Variants in KIF21A observed in about 807,000 individuals in gnomAD.
KIF21A encodes kinesin-like protein KIF21A.
In KIF21A, 114 loss-of-function variants were observed where a neutral mutation model predicts 202.9. The observed-to-expected ratio is 0.56, with a 90% CI of 0.48 to 0.66. The LOEUF is 0.66. KIF21A is among the 30% of genes least tolerant of loss of function. KIF21A has a pLI of 0.00. For synonymous variants in KIF21A, 667 were observed against 670.8 expected, an observed-to-expected ratio of 0.99 and a Z score of 0.09; for missense variants, 1,677 against 1,994.9, an observed-to-expected ratio of 0.84 and a Z score of 3.04.
chr12:39,363,251 A>G, intron 6 of KIF21A, 38 bp from the exon 7 acceptor site: 2 of 1,161,316 alleles, frequency 1.7e-6, no homozygotes, highest in Non-Finnish European at 2.6e-6. Context: ...AAATGATACA[A>G]ATTTACTAAT....
At chr12:39,332,544 T>C in intron 20 of KIF21A, 47 bp downstream of exon 20, 2 of 1,367,332 alleles carry the variant, frequency 1.5e-6, no homozygotes, top group Non-Finnish European at 1.9e-6. Context: ...AAGAGTAAAA[T>C]TAACAGTTAG....
intron 1 of KIF21A, among the ~76,000 whole-genome samples, chr12:39,370,779 C>G (rs1458007653): frequency 6.6e-6 from 1 of 151,928 alleles, no homozygotes; most frequent in Non-Finnish European, 1.5e-5. Context: ...ATCAGTGTAA[C>G]ATGTTAAGCA....
At chr12:39,370,671 A>C (rs1217833949) in intron 1 of KIF21A, among the ~76,000 whole-genome samples, 1 of 152,112 alleles carries the variant, frequency 6.6e-6, no homozygotes, top group Non-Finnish European at 1.5e-5. Flanking sequence ...ATAAAAAAGC[A>C]AGGACATTTA....
intron 1 of KIF21A, among the ~76,000 whole-genome samples, chr12:39,413,223 A>C (rs1447252511): frequency 1.3e-5 from 2 of 152,286 alleles, no homozygotes; most frequent in Middle Eastern, 3.4e-3. Flanking sequence ...GAATAACTAA[A>C]ATTTTGTTAT....
intron 6 of KIF21A, among the ~76,000 whole-genome samples, 188 bp downstream of exon 6, chr12:39,366,162 T>C (rs553203309): frequency 2.0e-5 from 3 of 152,264 alleles, no homozygotes; most frequent in South Asian, 4.2e-4. Context: ...ATCTGTAATA[T>C]ATAAAAACAG....
chr12:39,331,579 GAATA>G, intron 22 of KIF21A, 107 bp downstream of exon 22: 2 of 769,182 alleles, frequency 2.6e-6, no homozygotes, highest in South Asian at 2.8e-5. Flanking sequence ...TTCCAATTAT[GAATA>G]ATCTTCTTCC....
intron 1 of KIF21A, among the ~76,000 whole-genome samples, chr12:39,378,286 A>G (rs948188923): frequency 6.6e-6 from 1 of 152,340 alleles, no homozygotes; most frequent in East Asian, 1.9e-4. Context: ...TGAGGAAACC[A>G]GTATCATTCA....
Position 39,443,021 on chromosome 12 carries a change from A to G in KIF21A, c.-51T>C. On this transcript the variant is annotated 5_prime_UTR_variant, in exon 1 of 38. Transcript: ENST00000361418. ...GTTGGGCCTCGGCACCGCAGAGCTG[A>G]GGCGCCACTGGGGCCGCGGGACTCG... is the stretch of plus-strand genomic sequence containing the variant. 1 of 1,495,320 alleles carries G rather than the reference A, an allele frequency of 6.7e-7. No homozygotes were observed. Among genetic ancestry groups the G allele is most frequent in the East Asian group, 2.8e-5 (1 of 36,314 alleles). 92.6% of individuals were successfully genotyped at this position (1,495,320 alleles called of 1,614,324 possible). A position where few individuals can be genotyped will look rare whatever the true frequency, so the allele number is the denominator to read the frequency against.
At chr12:39,404,684 G>A (rs1030133833) in intron 1 of KIF21A, among the ~76,000 whole-genome samples, 3 of 152,136 alleles carry the variant, frequency 2.0e-5, no homozygotes, top group Admixed American at 2.0e-4. Context: ...AGGTAGCAAT[G>A]TAAAAACACA....
rs1945521879 is a variant in KIF21A, at chr12:39,323,564, A to G, written c.3457-682T>C. ...TGAGGCAAGTAAAGGTTATTTTCCT[A>G]GAATCTAAACTCACTATAAGCATTC... On this transcript the variant is annotated intron_variant, in intron 26 of 37. Coordinates refer to ENST00000361418, the MANE Select transcript of KIF21A (RefSeq NM_001173464.2). Among the ~76,000 whole-genome samples the G allele has an allele frequency of 3.3e-5, 5 of 152,156 alleles. No homozygotes were observed. In the South Asian group the frequency reaches 1.0e-3, roughly 32 times the overall value.
At chr12:39,397,417 C>G (rs1168879090) in intron 1 of KIF21A, among the ~76,000 whole-genome samples, 1 of 152,108 alleles carries the variant, frequency 6.6e-6, no homozygotes, top group Non-Finnish European at 1.5e-5. Flanking sequence ...CACCTTCATT[C>G]TTAGCCCCCA....
At chr12:39,416,687 G>GTATATATATGTACATATATATGTGTA in intron 1 of KIF21A, among the ~76,000 whole-genome samples, 1 of 86,638 alleles carries the variant, frequency 1.2e-5, no homozygotes, top group African/African-American at 6.4e-5. Context: ...ATATATGTGT[G>GTATATATATGTACATATATATGTGTA]TATATATATA....
chr12:39,414,120 T>C (rs935802979), intron 1 of KIF21A, among the ~76,000 whole-genome samples: 8 of 152,232 alleles, frequency 5.3e-5, no homozygotes. Flanking sequence ...TTTTCCTTTA[T>C]ATATTAGCAG....
intron 1 of KIF21A, among the ~76,000 whole-genome samples, chr12:39,384,827 C>T (rs1384584845): frequency 1.3e-5 from 2 of 152,122 alleles, no homozygotes; most frequent in Non-Finnish European, 1.5e-5. Context: ...CAAGCTCATT[C>T]AAGTTGTTGG....
intron 17 of KIF21A, 98 bp downstream of exon 17, chr12:39,336,998 T>G: frequency 1.3e-6 from 1 of 746,842 alleles, no homozygotes; most frequent in Non-Finnish European, 2.4e-6. Flanking sequence ...TAACCTGCAA[T>G]TAGTAGTTAT....
chr12:39,360,520 G>A (rs964300579), intron 7 of KIF21A, among the ~76,000 whole-genome samples: 3 of 151,868 alleles, frequency 2.0e-5, no homozygotes, highest in African/African-American at 7.3e-5. Flanking sequence ...CTCCCAAGTA[G>A]CTGTGACTAC....
At chr12:39,361,356 C>G (rs1038301660) in intron 7 of KIF21A, among the ~76,000 whole-genome samples, 2 of 151,874 alleles carry the variant, frequency 1.3e-5, no homozygotes, top group African/African-American at 4.8e-5. Flanking sequence ...TACTGAAGAT[C>G]AAACTGAAAA....
In KIF21A at chr12:39,442,590, C is replaced by T. The variant is rs1313369962; in HGVS notation, c.44+337G>A. ...CGGACAGGCGATAGCCCAAGGCGGCCAGACCTGAGGTGACTGATCCCGCGA... is the reference window on the plus strand; with the variant it reads ...CGGACAGGCGATAGCCCAAGGCGGCTAGACCTGAGGTGACTGATCCCGCGA... On this transcript the variant is annotated intron_variant, in intron 1 of 37. Coordinates refer to ENST00000361418, the MANE Select transcript of KIF21A (RefSeq NM_001173464.2). The surrounding 1 kb of genome is among the most constrained non-coding windows in gnomAD (Gnocchi z 5.0). 6.6e-6 allele frequency among the ~76,000 whole-genome samples: 1 copy of T among 152,224 alleles called. No individual in the cohort carries two copies. Among genetic ancestry groups the T allele is most frequent in the Non-Finnish European group, 1.5e-5 (1 of 68,026 alleles).
In KIF21A at chr12:39,351,877, G is replaced by A. The variant is rs758223938; in HGVS notation, c.1573C>T (p.Pro525Ser). ...TCTTTGTCTGAGGATAGTATGGTAGGAGAAAAAGTTGATGATCCGCTGAAA... is the reference window on the plus strand; with the variant it reads ...TCTTTGTCTGAGGATAGTATGGTAGAAGAAAAAGTTGATGATCCGCTGAAA... ...PYFSGSSTFS[P>S]TILSSDKETI... The change falls in exon 11 of 38, where the codon CCT becomes TCT. Residue 525 changes from proline (P) to serine (S), a missense_variant. This residue lies in a region of KIF21A where 966 missense variants were observed against 1,180.9 expected (regional missense o/e 0.82). Coordinates refer to ENST00000361418, the MANE Select transcript of KIF21A (RefSeq NM_001173464.2). 3.1e-6 allele frequency: 5 copies of A among 1,612,196 alleles called. No individual in the cohort carries two copies. Among genetic ancestry groups the A allele is most frequent in the African/African-American group, 2.7e-5 (2 of 74,832 alleles).
Sources: allele counts gnomAD v4.1 joint callset (sites outside exome capture counted in the v4.1 genomes callset), GRCh38; gene constraint gnomAD v4.1.1; regional missense constraint gnomAD v4.1.1; non-coding constraint Gnocchi (gnomAD v3.1); transcripts MANE v1.5; gene names NCBI Gene and HGNC (gene_info 2026-07-23, HGNC 2026-07-21).